SPG11: variants seen among roughly 807,000 people sequenced by gnomAD.
SPG11 encodes SPG11 vesicle trafficking associated, spatacsin.
In SPG11, 222 loss-of-function variants were observed where a neutral mutation model predicts 274.0. The observed-to-expected ratio is 0.81, with a 90% confidence interval of 0.73 to 0.91. The LOEUF is 0.91. Ranked by LOEUF, SPG11 falls within the 40% of genes least tolerant of loss-of-function variation. The pLI, the probability that SPG11 is intolerant of heterozygous loss-of-function variation, is 0.00. For synonymous variants in SPG11, 1,144 were observed against 1,039.7 expected, an observed-to-expected ratio of 1.10 and a Z score of -1.93; for missense variants, 3,114 against 2,872.7, an observed-to-expected ratio of 1.08 and a Z score of -1.92.
chr15:44,615,116 G>T (rs1300628288), intron 16 of SPG11, among the ~76,000 whole-genome samples: 1 of 152,094 alleles, frequency 6.6e-6, no homozygotes, highest in Non-Finnish European at 1.5e-5. Flanking sequence ...GTATTCTAAA[G>T]TCAAGTTATT....
At chr15:44,648,802 A>C in intron 7 of SPG11, 64 bp downstream of exon 7, 1 of 1,546,336 alleles carries the variant, frequency 6.5e-7, no homozygotes, top group Non-Finnish European at 8.9e-7. Context: ...TCAAATCCTA[A>C]ATCGAATAAA....
At chr15:44,583,368 G>C (rs2082692867) in intron 30 of SPG11, among the ~76,000 whole-genome samples, 1 of 152,084 alleles carries the variant, frequency 6.6e-6, no homozygotes, top group Non-Finnish European at 1.5e-5. Flanking sequence ...TAAGGCAGGA[G>C]AATCACTTGA....
intron 7 of SPG11, among the ~76,000 whole-genome samples, chr15:44,634,777 A>G (rs970547393): frequency 1.3e-5 from 2 of 151,634 alleles, no homozygotes; most frequent in South Asian, 4.2e-4. Flanking sequence ...GGGTTTCACC[A>G]TGATGGCCAG....
chr15:44,562,955 T>A lies in SPG11; in HGVS notation c.*166A>T. 1 of 623,968 alleles carries A rather than the reference T, an allele frequency of 1.6e-6. No individual in the cohort carries two copies. The highest frequency in any genetic ancestry group is 2.8e-6 in the Non-Finnish European group (1 of 356,456). The allele number at this position is 623,968 out of a possible 1,614,324, so 38.7% of individuals were successfully genotyped here. Reference sequence around the variant, plus strand: ...AAATCAATCTATTTTAAATAGGAATTTCCTCCTGAAAAGTTTCTTACTTGC... The same window carrying A: ...AAATCAATCTATTTTAAATAGGAATATCCTCCTGAAAAGTTTCTTACTTGC... On this transcript the variant is annotated 3_prime_UTR_variant, in exon 40 of 40. Transcript: ENST00000261866.
At chr15:44,657,365 G>C in intron 3 of SPG11, 69 bp from the exon 4 acceptor site, 1 of 1,448,958 alleles carries the variant, frequency 6.9e-7, no homozygotes, top group Non-Finnish European at 9.6e-7. Context: ...CACAGGTTGG[G>C]AAAGAGCTAT....
chr15:44,645,149 T>A (rs2084568819), intron 7 of SPG11, among the ~76,000 whole-genome samples: 1 of 152,196 alleles, frequency 6.6e-6, no homozygotes, highest in Non-Finnish European at 1.5e-5. Context: ...GCTGGAGACA[T>A]CATCACTTCT....
chr15:44,580,866 T>C (rs1028488645), intron 30 of SPG11, among the ~76,000 whole-genome samples: 5 of 152,196 alleles, frequency 3.3e-5, no homozygotes, highest in African/African-American at 1.2e-4. Flanking sequence ...TTCATGTACT[T>C]GAAGTTCCAG....
intron 7 of SPG11, 109 bp from the exon 8 acceptor site, chr15:44,633,746 A>G: frequency 8.3e-7 from 1 of 1,201,178 alleles, no homozygotes; most frequent in African/African-American, 1.5e-5. Flanking sequence ...AGACTACAGG[A>G]GGCAAAAGAC....
intron 14 of SPG11, 28 bp downstream of exon 14, chr15:44,621,731 T>C: frequency 3.7e-6 from 6 of 1,604,102 alleles, no homozygotes; most frequent in Non-Finnish European, 5.1e-6. Context: ...ATTCAGTATG[T>C]TCATATTTCA....
chr15:44,620,313 T>G lies in SPG11; in HGVS notation c.2711A>C (p.Gln904Pro). The G allele has an allele frequency of 6.2e-7, 1 of 1,614,144 alleles. No homozygotes were observed. The highest frequency in any genetic ancestry group is 1.3e-5 in the African/African-American group (1 of 75,052). Reference protein sequence around the residue: ...LNIILWIGEFQTQHSYASLQQ... With the variant: ...LNIILWIGEFPTQHSYASLQQ... ...AAGTGAAGCATAACTATGCTGGGTT[T>G]GAAATTCTCCAATCCATAAGATAAT... Residue 904 changes from glutamine (Q) to proline (P), a missense_variant, in exon 15 of 40, where the codon CAA becomes CCA. Gln to Pro is a moderately conservative substitution (Grantham distance 76). Transcript: ENST00000261866.
intron 7 of SPG11, among the ~76,000 whole-genome samples, chr15:44,636,350 A>T (rs2084250642): frequency 6.6e-6 from 1 of 152,028 alleles, no homozygotes; most frequent in Non-Finnish European, 1.5e-5. Context: ...TGAATAGAAT[A>T]TTCTTGTTCT....
intron 30 of SPG11, among the ~76,000 whole-genome samples, chr15:44,581,871 A>G (rs2082664806): frequency 1.3e-5 from 2 of 152,160 alleles, no homozygotes; most frequent in South Asian, 4.1e-4. Flanking sequence ...AAGGATGTAC[A>G]CTGTCATCTC....
chr15:44,616,475 GGTGTGAGCCACT>G (rs2083595912), intron 15 of SPG11, among the ~76,000 whole-genome samples: 1 of 152,100 alleles, frequency 6.6e-6, no homozygotes, highest in South Asian at 2.1e-4. Flanking sequence ...TGGGATTACA[GGTGTGAGCCACT>G]GTGTCTGGCC....
At chr15:44,570,777 C>A in intron 33 of SPG11, 119 bp from the exon 34 acceptor site, 1 of 1,305,170 alleles carries the variant, frequency 7.7e-7, no homozygotes, top group Non-Finnish European at 1.1e-6. Flanking sequence ...AGAGGGCCGT[C>A]CCATCAGCCC....
intron 28 of SPG11, among the ~76,000 whole-genome samples, chr15:44,586,454 C>T (rs931266672): frequency 6.6e-6 from 1 of 151,618 alleles, no homozygotes; most frequent in Non-Finnish European, 1.5e-5. Flanking sequence ...CCAGCCTGGC[C>T]AATATGGTGA....
intron 4 of SPG11, among the ~76,000 whole-genome samples, chr15:44,654,439 C>G (rs1260662333): frequency 6.6e-6 from 1 of 152,012 alleles, no homozygotes; most frequent in Non-Finnish European, 1.5e-5. Flanking sequence ...TCCCAGGAGG[C>G]GGACCTTGCA....
chr15:44,564,427 T>A, intron 39 of SPG11, 120 bp downstream of exon 39: 1 of 940,628 alleles, frequency 1.1e-6, no homozygotes, highest in Admixed American at 2.2e-5. Flanking sequence ...TGATACTGCT[T>A]TGCCATTTTA....
rs1555382889 is a variant in SPG11 at position 44,657,163 on chromosome 15, G to A, written c.801C>T (p.Asp267=). 1 of 1,614,172 alleles carries A rather than the reference G, an allele frequency of 6.2e-7. No individual in the cohort carries two copies. Among genetic ancestry groups the A allele is most frequent in the Non-Finnish European group, 8.5e-7 (1 of 1,180,034 alleles). Residue 267 remains aspartate, a synonymous_variant, in exon 4 of 40, where the codon GAC becomes GAT. Transcript: ENST00000261866. ...SSFTSLKVSQ[D]LDVAVIVSSS... ...AGCTGACAATCACTGCAACATCGAG[G>A]TCTTGAGAAACTTTCAGTGAAGTAA...
chr15:44,600,637 G>T lies in SPG11; in HGVS notation c.3521-5C>A. 1 of 1,613,278 alleles carries T rather than the reference G, an allele frequency of 6.2e-7. No homozygotes were observed. The highest frequency in any genetic ancestry group is 8.5e-7 in the Non-Finnish European group (1 of 1,179,392). Reference sequence around the variant, plus strand: ...GTGGGAGATGACTCCATGCATCTAGGGGGAAAGTAAAACAATATTAATTAT... The same window carrying T: ...GTGGGAGATGACTCCATGCATCTAGTGGGAAAGTAAAACAATATTAATTAT... On this transcript the variant is annotated splice_polypyrimidine_tract_variant and splice_region_variant and intron_variant, in intron 20 of 39. Coordinates refer to ENST00000261866, the MANE Select transcript of SPG11 (RefSeq NM_025137.4).
Sources: allele counts gnomAD v4.1 joint callset (sites outside exome capture counted in the v4.1 genomes callset), GRCh38; gene constraint gnomAD v4.1.1; transcripts MANE v1.5; gene names NCBI Gene and HGNC (gene_info 2026-07-23, HGNC 2026-07-21).